Variants in GRM5 observed in about 807,000 individuals in gnomAD.
GRM5 encodes glutamate metabotropic receptor 5.
Under a neutral mutation model 83.1 loss-of-function variants are expected in GRM5, and 19 were observed. The ratio of observed to expected loss-of-function variants is 0.23; its 90% CI spans 0.16 to 0.34. The LOEUF is 0.34. Among genes scored for constraint, GRM5 ranks in the 10% least tolerant of loss-of-function variants. The probability of loss-of-function intolerance (pLI) is 1.00; values close to 1 mark genes in which losing one functional copy is unlikely to be tolerated. For missense variants in GRM5, 1,160 were observed against 1,588.3 expected (o/e 0.73, Z 4.58); for synonymous variants, 675 against 633.6 (o/e 1.07, Z -0.98).
chr11:88,856,675 T>C (rs1022863930), intron 2 of GRM5, among the ~76,000 whole-genome samples: 1 of 152,088 alleles, frequency 6.6e-6, no homozygotes. Context: ...GTATGTGCGG[T>C]ATCTTTGTAC....
intron 9 of GRM5, among the ~76,000 whole-genome samples, chr11:88,524,526 C>T (rs912708999): frequency 6.6e-5 from 10 of 152,214 alleles, no homozygotes; most frequent in Non-Finnish European, 1.5e-4. Flanking sequence ...CCCCAGGGCC[C>T]TTTTCTTAAA....
chr11:88,563,836 A>G (rs764408599), intron 8 of GRM5, among the ~76,000 whole-genome samples: 1 of 152,236 alleles, frequency 6.6e-6, no homozygotes, highest in Non-Finnish European at 1.5e-5. Flanking sequence ...TCATAAAAGT[A>G]ATTATCAAAT....
rs190738772 is a variant in GRM5 at position 89,048,700 on chromosome 11, T to C, written c.-200-628A>G. 2.0e-5 allele frequency among the ~76,000 whole-genome samples: 3 copies of C among 152,326 alleles called. No individual in the cohort carries two copies. In the East Asian group the frequency reaches 5.8e-4, roughly 29 times the overall value. ...ATAAAAACAAATGAAGAAAGGTGGGTGTTTCATGTTAAATAAACTGTAGAA... is the reference window on the plus strand; with the variant it reads ...ATAAAAACAAATGAAGAAAGGTGGGCGTTTCATGTTAAATAAACTGTAGAA... On this transcript the variant is annotated intron_variant, in intron 1 of 9. Coordinates refer to ENST00000305447, the MANE Select transcript of GRM5 (RefSeq NM_001143831.3).
chr11:88,992,608 G>C (rs1327727566), intron 2 of GRM5, among the ~76,000 whole-genome samples: 1 of 151,532 alleles, frequency 6.6e-6, no homozygotes, highest in Non-Finnish European at 1.5e-5. Flanking sequence ...CAAAGACTTG[G>C]AACCAACCCA....
At chr11:88,917,920 A>G (rs926289406) in intron 2 of GRM5, among the ~76,000 whole-genome samples, 10 of 152,162 alleles carry the variant, frequency 6.6e-5, no homozygotes, top group African/African-American at 2.4e-4. Context: ...GCATATTGAA[A>G]AAAATAACAG....
chr11:88,635,060 G>A (rs918103681), intron 4 of GRM5, among the ~76,000 whole-genome samples: 2 of 152,178 alleles, frequency 1.3e-5, no homozygotes, highest in African/African-American at 4.8e-5. Context: ...AGTAGCATTT[G>A]TTAAAAAGCT....
At chr11:88,528,505 T>C (rs1941932346) in intron 8 of GRM5, among the ~76,000 whole-genome samples, 1 of 152,058 alleles carries the variant, frequency 6.6e-6, no homozygotes, top group Non-Finnish European at 1.5e-5. Context: ...TCCAGTTGAG[T>C]TTATTTTAGA....
chr11:88,877,103 T>C (rs1944868082), intron 2 of GRM5, among the ~76,000 whole-genome samples: 1 of 152,050 alleles, frequency 6.6e-6, no homozygotes, highest in African/African-American at 2.4e-5. Context: ...GTCAGTCAAA[T>C]GGAACAAAAT....
chr11:88,711,023 A>C (rs1004663707), intron 3 of GRM5, among the ~76,000 whole-genome samples: 21 of 152,200 alleles, frequency 1.4e-4, no homozygotes, highest in African/African-American at 5.1e-4. Context: ...TGAGGAAGAT[A>C]AATAAAGGGA....
chr11:88,965,967 C>T (rs148822556), intron 2 of GRM5, among the ~76,000 whole-genome samples: 4,815 of 152,190 alleles, frequency 0.032, 111 homozygotes, highest in Non-Finnish European at 0.048. Context: ...CTCAAGCATA[C>T]ATGAAACTTT....
chr11:88,615,984 C>A (rs1370008119), intron 4 of GRM5, among the ~76,000 whole-genome samples: 1 of 152,064 alleles, frequency 6.6e-6, no homozygotes, highest in Non-Finnish European at 1.5e-5. Context: ...AGCACAGATT[C>A]TGGAAGTAGA....
At chr11:88,777,114 A>T (rs546464703) in intron 3 of GRM5, among the ~76,000 whole-genome samples, 1 of 152,294 alleles carries the variant, frequency 6.6e-6, no homozygotes, top group African/African-American at 2.4e-5. Context: ...ATAGTCCCAT[A>T]GTTCTTGGAG....
At chr11:88,643,902 C>G (rs184128547) in intron 4 of GRM5, among the ~76,000 whole-genome samples, 37 of 152,292 alleles carry the variant, frequency 2.4e-4, no homozygotes, top group Admixed American at 3.9e-4. Flanking sequence ...GAAGTATCCT[C>G]TAACAACCCA....
intron 2 of GRM5, among the ~76,000 whole-genome samples, chr11:88,954,896 T>A (rs1293471822): frequency 1.3e-5 from 2 of 152,204 alleles, no homozygotes; most frequent in East Asian, 3.8e-4. Flanking sequence ...AAGGCTTCAA[T>A]GGCAAGGGCT....
At chr11:88,514,140 G>A (rs570025409) in intron 9 of GRM5, among the ~76,000 whole-genome samples, 39 of 152,258 alleles carry the variant, frequency 2.6e-4, no homozygotes, top group African/African-American at 8.7e-4. Context: ...CAAAAGTAAC[G>A]TCTTGCTCTC....
intron 2 of GRM5, among the ~76,000 whole-genome samples, chr11:88,904,554 G>T (rs990253711): frequency 6.6e-6 from 1 of 152,060 alleles, no homozygotes. Flanking sequence ...TTAAACACTG[G>T]AAATAGCTTT....
chr11:88,896,307 C>A (rs1183698127), intron 2 of GRM5, among the ~76,000 whole-genome samples: 1 of 151,486 alleles, frequency 6.6e-6, no homozygotes, highest in Non-Finnish European at 1.5e-5. Context: ...AAGGGAAAGG[C>A]ATCGTATCAT....
intron 3 of GRM5, among the ~76,000 whole-genome samples, chr11:88,800,088 T>TA (rs1412277397): frequency 6.6e-6 from 1 of 151,986 alleles, no homozygotes; most frequent in Non-Finnish European, 1.5e-5. Flanking sequence ...GTGAGAAAAG[T>TA]AAAAAATAAA....
chr11:89,035,702 A>T (rs906046486), intron 2 of GRM5, among the ~76,000 whole-genome samples: 2 of 152,040 alleles, frequency 1.3e-5, no homozygotes, highest in Non-Finnish European at 2.9e-5. Flanking sequence ...CACTTTATAG[A>T]ATAAAGGAAC....
Sources: allele counts gnomAD v4.1 joint callset (sites outside exome capture counted in the v4.1 genomes callset), GRCh38; gene constraint gnomAD v4.1.1; transcripts MANE v1.5; gene names NCBI Gene and HGNC (gene_info 2026-07-23, HGNC 2026-07-21).